The following ASPDH variants were observed in gnomAD, a reference collection of about 807,000 sequenced individuals.
ASPDH encodes the protein aspartate dehydrogenase domain containing, also known as aspartate dehydrogenase domain-containing protein.
In ASPDH, 25 loss-of-function variants were observed where a neutral mutation model predicts 30.5. The observed-to-expected ratio is 0.82, with a 90% CI of 0.60 to 1.14. ASPDH has a LOEUF of 1.14. ASPDH is among the 50% of genes most tolerant of loss of function. The pLI, the probability that ASPDH is intolerant of heterozygous loss-of-function variation, is 0.00. For missense variants in ASPDH, 401 were observed against 381.5 expected (o/e 1.05, Z -0.43); for synonymous variants, 168 against 156.3 (o/e 1.07, Z -0.56).
chr19:50,513,132 A>G lies in ASPDH; in HGVS notation c.198-121T>C, dbSNP rs1331198561. The G allele has an allele frequency of 7.9e-7, 1 of 1,259,436 alleles. No individual in the cohort carries two copies. The highest frequency in any genetic ancestry group is 1.1e-6 in the Non-Finnish European group (1 of 910,434). 78.0% of individuals were successfully genotyped at this position (1,259,436 alleles called of 1,614,324 possible). On this transcript the variant is annotated intron_variant, in intron 2 of 6. Coordinates refer to ENST00000389208, the MANE Select transcript of ASPDH (RefSeq NM_001114598.2). This position sits in a 1 kb window ranked among gnomAD's most constrained non-coding sequence, Gnocchi z 4.9. ...TCCCTGACCTGGGAGGCGAAATGAG[A>G]TGAATGGGTTCGTCCTGTTTCACAT...
upstream of ASPDH, chr19:50,513,922 A>G (rs1980113949): frequency 2.8e-6 from 4 of 1,429,544 alleles, no homozygotes; most frequent in South Asian, 5.6e-5. This position sits in a 1 kb window ranked among gnomAD's most constrained non-coding sequence, Gnocchi z 4.9. Context: ...CTGACCCTTG[A>G]GCCTCTGGGC....
chr19:50,514,425 A>G (rs1260996513), upstream of ASPDH: 35 of 1,612,418 alleles, frequency 2.2e-5, no homozygotes, highest in East Asian at 4.9e-4. Context: ...CCCTTCCCAC[A>G]GCCTCCGCCC....
At position 50,513,809 on chromosome 19, in the gene ASPDH, G is replaced by T; in HGVS notation, c.15C>A (p.Gly5=). 1.9e-6 allele frequency: 3 copies of T among 1,550,686 alleles called. No individual in the cohort carries two copies. Among genetic ancestry groups the T allele is most frequent in the Admixed American group, 2.0e-5 (1 of 50,952 alleles). The part of the protein sequence containing the change: MADR[G]PWRVGVVGYG... ...AGCCCACCACGCCCACCCTCCACGG[G>T]CCCCTGTCGGCCATGGCCCTGAGTG... Residue 5 remains glycine (G), a synonymous_variant, in exon 1 of 7, where the codon GGC becomes GGA. Transcript: ENST00000389208. This position sits in a 1 kb window ranked among gnomAD's most constrained non-coding sequence, Gnocchi z 4.9.
In ASPDH at chr19:50,512,561, G is replaced by C. The variant is rs1357106006; in HGVS notation, c.452C>G (p.Ala151Gly). The C allele has an allele frequency of 6.5e-7, 1 of 1,534,300 alleles. No homozygotes were observed. The highest frequency in any genetic ancestry group is 1.4e-5 in the African/African-American group (1 of 72,534). Reference protein sequence around the residue: ...GGLRSLRVTMATHPDGFRLEG... With the variant: ...GGLRSLRVTMGTHPDGFRLEG... ...AAGCCGGAAGCCATCGGGGTGTGTG[G>C]CCATGGTGACACGAAGGCTCTGGAA... Residue 151 changes from alanine to glycine, a missense_variant, in exon 5 of 7, where the codon GCC becomes GGC. Transcript: ENST00000389208.
Position 50,513,218 on chromosome 19 carries a change from G to C in ASPDH, c.197+54C>G. 2.1e-6 allele frequency: 3 copies of C among 1,422,746 alleles called. No homozygotes were observed. The South Asian group carries it at 4.5e-5, about 22-fold the overall frequency. The allele number at this position is 1,422,746 out of a possible 1,614,324, so 88.1% of individuals were successfully genotyped here. The stretch of plus-strand genomic sequence containing the variant: ...CCCTGAGATCACACAGTGGCTAAGA[G>C]AGCCAGGACAGGAGCTTCAGGGAGC... On this transcript the variant is annotated intron_variant, in intron 2 of 6. Transcript: ENST00000389208. This position sits in a 1 kb window ranked among gnomAD's most constrained non-coding sequence, Gnocchi z 4.9.
intron 6 of ASPDH, 176 bp downstream of exon 6, chr19:50,511,960 A>T: frequency 2.0e-6 from 1 of 505,290 alleles, no homozygotes; most frequent in Admixed American, 5.9e-5. Context: ...GCACAAATGG[A>T]GACATCTACA....
At chr19:50,514,523 G>A (rs745926503), upstream of ASPDH, 12 of 1,613,956 alleles carry the variant, frequency 7.4e-6, no homozygotes, top group South Asian at 1.1e-4. Context: ...GCCACCAGCT[G>A]CCTCCAGTGT....
chr19:50,514,972 AGAT>A (rs939617533), upstream of ASPDH: 154 of 985,234 alleles, frequency 1.6e-4, 1 homozygote, highest in African/African-American at 2.4e-3. Flanking sequence ...GGTGTGGGAG[AGAT>A]GAGATGCCTG....
upstream of ASPDH, chr19:50,514,456 C>G (rs753649736): frequency 2.5e-6 from 4 of 1,613,972 alleles, no homozygotes; most frequent in African/African-American, 4.0e-5. Flanking sequence ...CCTCCCTCCG[C>G]TCTGATCATC....
At chr19:50,511,795 C>G in intron 6 of ASPDH, 22 bp from the exon 7 acceptor site, 1 of 1,301,974 alleles carries the variant, frequency 7.7e-7, no homozygotes, top group Non-Finnish European at 9.8e-7. Context: ...GGGGAATGAG[C>G]GAATGAGACA....
intron 6 of ASPDH, 123 bp downstream of exon 6, chr19:50,512,013 G>T: frequency 1.1e-6 from 1 of 874,762 alleles, no homozygotes; most frequent in South Asian, 1.8e-5. Context: ...AGGAAATAAA[G>T]GTCAGAAAGA....
chr19:50,513,859 GGCTGCTC>G lies in ASPDH; in HGVS notation c.-43_-37del. On this transcript the variant is annotated 5_prime_UTR_variant, in exon 1 of 7. Transcript: ENST00000389208. The surrounding 1 kb of genome is among the most constrained non-coding windows in gnomAD (Gnocchi z 4.9). ...GCGGTGTCTGGGGCCTGGCTCCCTG[GGCTGCTC>G]GCTGCCCGCTGCACAAGGCCTGGGC... 1 of 1,544,374 alleles carries G rather than the reference GGCTGCTC, an allele frequency of 6.5e-7. No individual in the cohort carries two copies. Among genetic ancestry groups the G allele is most frequent in the Non-Finnish European group, 8.7e-7 (1 of 1,144,194 alleles).
upstream of ASPDH, chr19:50,515,043 C>T (rs1183448910): frequency 1.0e-6 from 1 of 985,210 alleles, no homozygotes; most frequent in Non-Finnish European, 1.2e-6. Flanking sequence ...AGTGGGGGGC[C>T]TCCCGCCATC....
At chr19:50,512,047 C>A (rs1031116546) in intron 6 of ASPDH, 89 bp downstream of exon 6, 279 of 1,160,932 alleles carry the variant, frequency 2.4e-4, no homozygotes, top group Non-Finnish European at 3.0e-4. Context: ...AAATACAGAA[C>A]CAGAACTGCA....
Position 50,513,174 on chromosome 19 carries a change from C to T in ASPDH, c.197+98G>A. 1 of 1,326,008 alleles carries T rather than the reference C, an allele frequency of 7.5e-7. No individual in the cohort carries two copies. Among genetic ancestry groups the T allele is most frequent in the Non-Finnish European group, 1.0e-6 (1 of 986,208 alleles). The allele number at this position is 1,326,008 out of a possible 1,614,324, so 82.1% of individuals were successfully genotyped here. ...GTTTCACATTTGCTTGAACCAAGGCCCAGAGAGGGTCAGGGAACCCCTGAG... is the reference window on the plus strand; with the variant it reads ...GTTTCACATTTGCTTGAACCAAGGCTCAGAGAGGGTCAGGGAACCCCTGAG... On this transcript the variant is annotated intron_variant, in intron 2 of 6. Transcript: ENST00000389208. The surrounding 1 kb of genome is among the most constrained non-coding windows in gnomAD (Gnocchi z 4.9).
upstream of ASPDH, chr19:50,514,839 A>T (rs1333702146): frequency 2.3e-6 from 3 of 1,289,492 alleles, no homozygotes; most frequent in African/African-American, 4.5e-5. Context: ...GAGAGCCCCA[A>T]GTTGACGGGA....
In ASPDH at chr19:50,512,201, T is replaced by TTC; in HGVS notation, c.741_742dup (p.Asn248ArgfsTer73). 1 of 1,603,902 alleles carries TTC rather than the reference T, an allele frequency of 6.2e-7. No individual in the cohort carries two copies. On this transcript the variant is annotated frameshift_variant, in exon 6 of 7. Transcript: ENST00000389208. LOFTEE classifies it high-confidence loss of function. Reference sequence around the variant, plus strand: ...GGTGACCGCGCCTGGCTCGGCAGGGTTCTCTCTGCGGGTGTGCACAGCAAA... The same window carrying TTC: ...GGTGACCGCGCCTGGCTCGGCAGGGTTCTCTCTCTGCGGGTGTGCACAGCAAA...
Position 50,512,155 on chromosome 19 carries a change from GGCC to G in ASPDH, c.786_788del (p.Ala263del), listed in dbSNP as rs1979949559. On this transcript the variant is annotated inframe_deletion, in exon 6 of 7. Transcript: ENST00000389208. ...CCGCACCCAGGAGGCTCTGCCAGAA[GGCC>G]GTGACGGTGGCGGAGCCGGTGACCG... The G allele has an allele frequency of 1.9e-6, 3 of 1,572,816 alleles. No individual in the cohort carries two copies. The African/African-American group carries it at 4.0e-5, about 21-fold the overall frequency.
Position 50,511,629 on chromosome 19 carries a change from G to T in ASPDH, c.*101C>A. On this transcript the variant is annotated 3_prime_UTR_variant, in exon 7 of 7. Coordinates refer to ENST00000389208, the MANE Select transcript of ASPDH (RefSeq NM_001114598.2). The stretch of plus-strand genomic sequence containing the variant: ...GGGGGAGGCAGCGGTGATCTTTACT[G>T]AGTCAGAAGGGAGACCCTGGGGAAG... The T allele has an allele frequency of 1.5e-6, 1 of 660,936 alleles. No individual in the cohort carries two copies. The highest frequency in any genetic ancestry group is 2.3e-6 in the Non-Finnish European group (1 of 439,792). 40.9% of individuals were successfully genotyped at this position (660,936 alleles called of 1,614,324 possible).
Sources: gnomAD v4.1 joint callset for allele counts on GRCh38, gnomAD v4.1.1 for gene constraint, Gnocchi (gnomAD v3.1) non-coding constraint, MANE v1.5 for transcripts, NCBI Gene and HGNC (gene_info 2026-07-23, HGNC 2026-07-21) for gene names.